The following UBXN7 variants were observed in gnomAD, a reference collection of about 807,000 sequenced individuals.
UBXN7 encodes UBX domain protein 7.
UBXN7 carries 9 observed loss-of-function variants against 58.0 expected under a neutral mutation model. The ratio of observed to expected loss-of-function variants is 0.16; its 90% CI spans 0.09 to 0.27. The LOEUF is 0.27. UBXN7 is among the 10% of genes least tolerant of loss of function. The pLI is 1.00. For missense variants in UBXN7, 328 were observed against 599.6 expected (o/e 0.55, Z 4.73); for synonymous variants, 208 against 205.0 (o/e 1.01, Z -0.12).
chr3:196,417,170 G>T (rs536710847), intron 1 of UBXN7, among the ~76,000 whole-genome samples: 1 of 152,214 alleles, frequency 6.6e-6, no homozygotes, highest in South Asian at 2.1e-4. Context: ...AAAATTAGCC[G>T]GGCGTGGTGG....
At chr3:196,357,199 C>T (rs570356323) in intron 10 of UBXN7, among the ~76,000 whole-genome samples, 1 of 152,234 alleles carries the variant, frequency 6.6e-6, no homozygotes, top group Admixed American at 6.5e-5. Context: ...AAGATATGTC[C>T]TTCATTCTGC....
At chr3:196,401,692 G>T (rs1162620590) in intron 3 of UBXN7, among the ~76,000 whole-genome samples, 1 of 149,962 alleles carries the variant, frequency 6.7e-6, no homozygotes, top group African/African-American at 2.5e-5. Flanking sequence ...ACTTTGGGAG[G>T]TTGAGGCCAG....
In UBXN7 at chr3:196,393,499, G is replaced by A. The variant is rs987198190; in HGVS notation, c.355+55C>T. 5 of 1,522,352 alleles carry A rather than the reference G, an allele frequency of 3.3e-6. No individual in the cohort carries two copies. In the African/African-American group the frequency reaches 5.6e-5, roughly 17 times the overall value. The allele number at this position is 1,522,352 out of a possible 1,614,324, so 94.3% of individuals were successfully genotyped here. A position where few individuals can be genotyped will look rare whatever the true frequency, so the allele number is the denominator to read the frequency against. On this transcript the variant is annotated intron_variant, in intron 4 of 10. Coordinates refer to ENST00000296328, the MANE Select transcript of UBXN7 (RefSeq NM_015562.2). Reference sequence around the variant, plus strand: ...ATTGGGCCTAATAGTAATCATCTTTGTCTTTTTAATAGGAAGAGAAGAGGG... The same window carrying A: ...ATTGGGCCTAATAGTAATCATCTTTATCTTTTTAATAGGAAGAGAAGAGGG...
rs1455750588 is a variant in UBXN7 at position 196,401,767 on chromosome 3, T to A, written c.289+1185A>T. On this transcript the variant is annotated intron_variant, in intron 3 of 10. Coordinates refer to ENST00000296328, the MANE Select transcript of UBXN7 (RefSeq NM_015562.2). ...AACATAGCAAGACTCCATCTCTATT[T>A]TAAAAAAAAAAAAAAAAAAAAAGTA... Among the ~76,000 whole-genome samples the A allele has an allele frequency of 1.1e-4, 9 of 82,038 alleles. No individual in the cohort carries two copies. The East Asian group carries it at 1.2e-3, about 11-fold the overall frequency. 53.8% of individuals were successfully genotyped at this position (82,038 alleles called of 152,430 possible). A position where few individuals can be genotyped will look rare whatever the true frequency, so the allele number is the denominator to read the frequency against.
At chr3:196,365,339 AAATAC>A (rs1011507808) in intron 8 of UBXN7, among the ~76,000 whole-genome samples, 1 of 151,958 alleles carries the variant, frequency 6.6e-6, no homozygotes, top group Non-Finnish European at 1.5e-5. Context: ...CCTAGAAAGC[AAATAC>A]AATAGAGAAA....
At chr3:196,371,372 T>C (rs1298523455) in intron 6 of UBXN7, among the ~76,000 whole-genome samples, 4 of 152,238 alleles carry the variant, frequency 2.6e-5, no homozygotes, top group Admixed American at 2.6e-4. Context: ...ACCAAATACA[T>C]TATTACAGTT....
chr3:196,357,656 G>C (rs903031289), intron 10 of UBXN7, among the ~76,000 whole-genome samples: 1 of 151,952 alleles, frequency 6.6e-6, no homozygotes, highest in Non-Finnish European at 1.5e-5. Flanking sequence ...TCAGAAGTTC[G>C]AGACCAGTCT....
chr3:196,428,823 C>CAA (rs541675983), intron 1 of UBXN7, among the ~76,000 whole-genome samples: 60 of 98,696 alleles, frequency 6.1e-4, no homozygotes, highest in Admixed American at 1.5e-3. Flanking sequence ...CAGTCCGTCT[C>CAA]AAAAAAAAAA....
rs142438623 is a variant in UBXN7 at position 196,428,420 on chromosome 3, T to G, written c.73+3907A>C. Reference sequence around the variant, plus strand: ...GCAAGCTATAATTGTGCCACTGTACTCCAGCCTGGGTGACAGAACAAGACC... The same window carrying G: ...GCAAGCTATAATTGTGCCACTGTACGCCAGCCTGGGTGACAGAACAAGACC... On this transcript the variant is annotated intron_variant, in intron 1 of 10. Transcript: ENST00000296328. Among the ~76,000 whole-genome samples the G allele has an allele frequency of 6.9e-3, 1,029 of 148,678 alleles. 7 individuals are homozygous for G. The highest frequency in any genetic ancestry group is 0.011 in the Non-Finnish European group (765 of 67,532).
rs2108833285 is a variant in UBXN7 at position 196,371,891 on chromosome 3, C to T, written c.615+5G>A. 1.9e-6 allele frequency: 3 copies of T among 1,609,086 alleles called. No individual in the cohort carries two copies. Among genetic ancestry groups the T allele is most frequent in the Non-Finnish European group, 2.5e-6 (3 of 1,178,444 alleles). ...ACAAAACTTCTGATTAACTCTCCTT[C>T]TCACCTGCCAGAAAATGAAATGTTC... On this transcript the variant is annotated splice_donor_5th_base_variant and intron_variant, in intron 6 of 10. Transcript: ENST00000296328.
intron 1 of UBXN7, among the ~76,000 whole-genome samples, chr3:196,408,508 T>A (rs539499235): frequency 6.0e-4 from 91 of 152,350 alleles, no homozygotes; most frequent in African/African-American, 2.2e-3. Flanking sequence ...AGTGATAGAA[T>A]GTAAATTGAA....
intron 1 of UBXN7, among the ~76,000 whole-genome samples, chr3:196,427,477 T>C (rs1730885624): frequency 1.3e-5 from 2 of 152,024 alleles, no homozygotes; most frequent in South Asian, 4.1e-4. Flanking sequence ...ACCACCATGC[T>C]CAGCTAATTT....
chr3:196,370,258 G>A (rs1368299663), intron 6 of UBXN7, among the ~76,000 whole-genome samples: 2 of 148,022 alleles, frequency 1.4e-5, no homozygotes, highest in Non-Finnish European at 3.0e-5. Context: ...GCATCTCCAC[G>A]AGAAGTTTTT....
intron 2 of UBXN7, among the ~76,000 whole-genome samples, chr3:196,403,935 T>G (rs1189595721): frequency 6.6e-6 from 1 of 152,130 alleles, no homozygotes; most frequent in East Asian, 1.9e-4. Flanking sequence ...ACTGTAAAAA[T>G]GGTGTGTGCC....
chr3:196,419,633 T>C (rs556091336), intron 1 of UBXN7, among the ~76,000 whole-genome samples: 1 of 152,326 alleles, frequency 6.6e-6, no homozygotes, highest in Admixed American at 6.5e-5. Context: ...TGGTTCTTAG[T>C]GTCGAAGCAC....
chr3:196,377,976 C>T (rs1449474203), intron 5 of UBXN7, among the ~76,000 whole-genome samples: 2 of 152,146 alleles, frequency 1.3e-5, no homozygotes, highest in Non-Finnish European at 2.9e-5. Flanking sequence ...CATCCAGCTA[C>T]ATTTTATTCT....
intron 1 of UBXN7, among the ~76,000 whole-genome samples, chr3:196,413,084 G>A (rs1730381321): frequency 6.6e-6 from 1 of 152,122 alleles, no homozygotes; most frequent in Admixed American, 6.6e-5. Flanking sequence ...GCTCATGGCT[G>A]TAATTCAGCA....
chr3:196,428,827 A>T (rs989991649), intron 1 of UBXN7, among the ~76,000 whole-genome samples: 1 of 151,604 alleles, frequency 6.6e-6, no homozygotes, highest in Non-Finnish European at 1.5e-5. Context: ...CCGTCTCAAA[A>T]AAAAAAAAAA....
chr3:196,389,650 A>G (rs1438695109), intron 5 of UBXN7, among the ~76,000 whole-genome samples: 1 of 152,168 alleles, frequency 6.6e-6, no homozygotes, highest in East Asian at 1.9e-4. Flanking sequence ...TTCTGCCATG[A>G]CTGCAAGCTT....
Sources: allele counts gnomAD v4.1 joint callset (sites outside exome capture counted in the v4.1 genomes callset), GRCh38; gene constraint gnomAD v4.1.1; transcripts MANE v1.5; gene names NCBI Gene and HGNC (gene_info 2026-07-23, HGNC 2026-07-21).